ATXN7L1: variants seen among roughly 807,000 people sequenced by gnomAD.
The protein encoded by ATXN7L1 is ataxin-7-like protein 1.
In ATXN7L1, 15 loss-of-function variants were observed where a neutral mutation model predicts 70.8. That is an observed-to-expected ratio of 0.21 (90% CI 0.14 to 0.33). The LOEUF is 0.33. ATXN7L1 is among the 10% of genes least tolerant of loss of function. The pLI is 1.00. For synonymous variants in ATXN7L1, 440 were observed against 445.1 expected, an observed-to-expected ratio of 0.99 and a Z score of 0.14; for missense variants, 975 against 1,097.1, an observed-to-expected ratio of 0.89 and a Z score of 1.57.
intron 3 of ATXN7L1, among the ~76,000 whole-genome samples, chr7:105,738,478 G>A (rs1797657068): frequency 6.6e-6 from 1 of 152,174 alleles, no homozygotes; most frequent in Non-Finnish European, 1.5e-5. Flanking sequence ...ATACTTACCA[G>A]CAATATAACT....
chr7:105,670,963 C>G (rs1320000294), intron 3 of ATXN7L1, among the ~76,000 whole-genome samples: 2 of 151,876 alleles, frequency 1.3e-5, no homozygotes, highest in African/African-American at 2.4e-5. Flanking sequence ...AAAATTAGCC[C>G]GGCGAGGTGG....
intron 2 of ATXN7L1, among the ~76,000 whole-genome samples, chr7:105,806,628 G>A (rs984074281): frequency 6.6e-6 from 1 of 152,164 alleles, no homozygotes; most frequent in Non-Finnish European, 1.5e-5. Context: ...CTGTGAAACA[G>A]TGTTGTCTGA....
At chr7:105,871,020 A>C (rs1304504096) in intron 2 of ATXN7L1, among the ~76,000 whole-genome samples, 1 of 151,828 alleles carries the variant, frequency 6.6e-6, no homozygotes, top group African/African-American at 2.4e-5. Context: ...AGAAGTTATA[A>C]ATTGAGAAAA....
rs1800375400 is a variant in ATXN7L1 at position 105,760,274 on chromosome 7, A to T, written c.355+28330T>A. ...GATATTTATGTATGGTTTTACAGTT[A>T]AAAAAATGCTTTTCCATATATTATT... On this transcript the variant is annotated intron_variant, in intron 3 of 11. Transcript: ENST00000419735. 7 of 969,194 alleles carry T rather than the reference A, an allele frequency of 7.2e-6. No homozygotes were observed. In the South Asian group the frequency reaches 2.4e-4, roughly 33 times the overall value. The allele number at this position is 969,194 out of a possible 1,614,324, so 60.0% of individuals were successfully genotyped here. A position where few individuals can be genotyped will look rare whatever the true frequency, so the allele number is the denominator to read the frequency against.
intron 2 of ATXN7L1, among the ~76,000 whole-genome samples, chr7:105,821,412 C>A (rs911197556): frequency 6.6e-6 from 1 of 152,232 alleles, no homozygotes; most frequent in African/African-American, 2.4e-5. Flanking sequence ...GACTAACACA[C>A]ACCTGCTGCT....
intron 8 of ATXN7L1, among the ~76,000 whole-genome samples, chr7:105,621,893 T>G (rs1794988313): frequency 1.4e-5 from 2 of 144,440 alleles, no homozygotes; most frequent in African/African-American, 4.9e-5. Flanking sequence ...TATTGGTGTT[T>G]TGGGGGGTTT....
At chr7:105,779,484 G>A (rs12216680) in intron 3 of ATXN7L1, among the ~76,000 whole-genome samples, 7,708 of 152,202 alleles carry the variant, frequency 0.051, 410 homozygotes, top group East Asian at 0.19. Flanking sequence ...CTACTTAGTC[G>A]TAGATTCTCT....
intron 3 of ATXN7L1, among the ~76,000 whole-genome samples, chr7:105,685,400 T>G (rs1426415585): frequency 6.6e-6 from 1 of 152,214 alleles, no homozygotes; most frequent in East Asian, 1.9e-4. Flanking sequence ...GACCTCCCTG[T>G]GAAGCCAAGG....
At chr7:105,672,455 A>G (rs1360376704) in intron 3 of ATXN7L1, among the ~76,000 whole-genome samples, 4 of 152,244 alleles carry the variant, frequency 2.6e-5, no homozygotes, top group African/African-American at 4.8e-5. Flanking sequence ...GTTAGGTAAT[A>G]TTCAATCATT....
intron 8 of ATXN7L1, among the ~76,000 whole-genome samples, chr7:105,621,151 G>A (rs1354083519): frequency 6.6e-6 from 1 of 152,124 alleles, no homozygotes; most frequent in African/African-American, 2.4e-5. Context: ...ATCAGTCTTT[G>A]TAGGCTGTCC....
At chr7:105,766,531 A>G (rs1424362259) in intron 3 of ATXN7L1, among the ~76,000 whole-genome samples, 2 of 152,214 alleles carry the variant, frequency 1.3e-5, no homozygotes, top group Admixed American at 6.5e-5. Context: ...AAATGCACCT[A>G]TCAATGACAC....
At chr7:105,781,684 G>T (rs1309562542) in intron 3 of ATXN7L1, among the ~76,000 whole-genome samples, 1 of 152,096 alleles carries the variant, frequency 6.6e-6, no homozygotes, top group African/African-American at 2.4e-5. Flanking sequence ...AAACTTTGTT[G>T]TACCACTGTG....
At chr7:105,714,513 T>C (rs954603353) in intron 3 of ATXN7L1, among the ~76,000 whole-genome samples, 41 of 152,152 alleles carry the variant, frequency 2.7e-4, no homozygotes, top group African/African-American at 9.7e-4. Context: ...AATATTATAA[T>C]ACATATTACA....
rs190571623 is a variant in ATXN7L1 at position 105,703,264 on chromosome 7, C to T, written c.356-37976G>A. Among the ~76,000 whole-genome samples, 111 of 147,846 alleles carry T rather than the reference C, an allele frequency of 7.5e-4. 1 individual carries two copies. Among genetic ancestry groups the T allele is most frequent in the African/African-American group, 2.7e-3 (106 of 39,404 alleles). On this transcript the variant is annotated intron_variant, in intron 3 of 11. Transcript: ENST00000419735. ...AGGTTGCGGTGAGCCGAGATCCCGT[C>T]ATTCCACTCCAGCATGGGCAAGAAG...
chr7:105,662,027 TTTCCTTCCTTCC>T (rs1231104302), intron 4 of ATXN7L1, among the ~76,000 whole-genome samples: 10 of 48,844 alleles, frequency 2.0e-4, no homozygotes, highest in Non-Finnish European at 2.7e-4. Flanking sequence ...TCTTTCTTTC[TTTCCTTCCTTCC>T]TTCCTTCCTT....
chr7:105,775,811 T>G (rs1802645989), intron 3 of ATXN7L1, among the ~76,000 whole-genome samples: 1 of 152,212 alleles, frequency 6.6e-6, no homozygotes, highest in African/African-American at 2.4e-5. Context: ...GCCCACTGCA[T>G]GTGGCTGAAT....
At chr7:105,744,659 G>A (rs1448331467) in intron 3 of ATXN7L1, among the ~76,000 whole-genome samples, 1 of 151,510 alleles carries the variant, frequency 6.6e-6, no homozygotes, top group Non-Finnish European at 1.5e-5. Context: ...AAAACATGAA[G>A]GCCATGAATG....
intron 3 of ATXN7L1, among the ~76,000 whole-genome samples, chr7:105,762,318 C>T (rs1015805992): frequency 5.3e-5 from 8 of 152,180 alleles, no homozygotes; most frequent in Admixed American, 3.3e-4. Flanking sequence ...CCTGGCAGGG[C>T]GGACAACCTA....
At chr7:105,693,991 G>A (rs1791379744) in intron 3 of ATXN7L1, among the ~76,000 whole-genome samples, 1 of 152,004 alleles carries the variant, frequency 6.6e-6, no homozygotes, top group African/African-American at 2.4e-5. Flanking sequence ...GTGGGGAAAG[G>A]AGGAGGGTGG....
Sources: allele counts gnomAD v4.1 joint callset (sites outside exome capture counted in the v4.1 genomes callset), GRCh38; gene constraint gnomAD v4.1.1; transcripts MANE v1.5; gene names NCBI Gene and HGNC (gene_info 2026-07-23, HGNC 2026-07-21).